The following DRC11 variants were observed in gnomAD, a reference collection of about 807,000 sequenced individuals.
DRC11 encodes the protein IQ and AAA domain-containing protein 1.
the DRC11 span, among the ~76,000 whole-genome samples, chr2:236,471,410 T>G: frequency 2.0e-5 from 3 of 152,216 alleles, no homozygotes; most frequent in Admixed American, 6.5e-5. The surrounding 1 kb of genome is among the most constrained non-coding windows in gnomAD (Gnocchi z 4.6). Context: ...TCACAAGAAG[T>G]GCATGACAAT....
At chr2:236,384,977 T>C in the DRC11 span, among the ~76,000 whole-genome samples, 3 of 151,232 alleles carry the variant, frequency 2.0e-5, no homozygotes, top group Non-Finnish European at 3.0e-5. Context: ...TTGTAGATAT[T>C]TGGCGTTATT....
At chr2:236,387,176 G>T in the DRC11 span, among the ~76,000 whole-genome samples, 9 of 149,338 alleles carry the variant, frequency 6.0e-5, no homozygotes, top group East Asian at 9.8e-4. Flanking sequence ...ATGTCTATTA[G>T]GTCCGCTTGG....
chr2:236,331,382 T>C, the DRC11 span: 1 of 1,613,656 alleles, frequency 6.2e-7, no homozygotes, highest in Non-Finnish European at 8.5e-7. The surrounding 1 kb of genome is among the most constrained non-coding windows in gnomAD (Gnocchi z 4.8). Flanking sequence ...TCTTCCTCTT[T>C]GTACACTGGA....
the DRC11 span, among the ~76,000 whole-genome samples, chr2:236,336,515 T>C: frequency 1.3e-5 from 2 of 151,692 alleles, no homozygotes; most frequent in Non-Finnish European, 2.9e-5. This position sits in a 1 kb window ranked among gnomAD's most constrained non-coding sequence, Gnocchi z 7.3. Flanking sequence ...CTGCTGCTCC[T>C]GCCACTGACC....
the DRC11 span, among the ~76,000 whole-genome samples, chr2:236,397,157 C>T: frequency 6.6e-6 from 1 of 152,222 alleles, no homozygotes; most frequent in African/African-American, 2.4e-5. The surrounding 1 kb of genome is among the most constrained non-coding windows in gnomAD (Gnocchi z 5.0). Flanking sequence ...GAAGCTCTTT[C>T]GGGTGGTTTC....
At chr2:236,484,165 TATAA>T in the DRC11 span, among the ~76,000 whole-genome samples, 1 of 152,240 alleles carries the variant, frequency 6.6e-6, no homozygotes, top group Admixed American at 6.5e-5. Flanking sequence ...TGTCTGCTTT[TATAA>T]ATAGACAGAA....
the DRC11 span, among the ~76,000 whole-genome samples, chr2:236,310,161 G>C: frequency 2.6e-5 from 4 of 152,120 alleles, no homozygotes; most frequent in Non-Finnish European, 5.9e-5. The surrounding 1 kb of genome is among the most constrained non-coding windows in gnomAD (Gnocchi z 5.5). Context: ...ATCCTTTGCT[G>C]TCTGGTTGCC....
At chr2:236,464,380 T>C in the DRC11 span, among the ~76,000 whole-genome samples, 2 of 152,196 alleles carry the variant, frequency 1.3e-5, no homozygotes, top group Non-Finnish European at 2.9e-5. Context: ...ATGGGCAAGC[T>C]TGCCTTCTAT....
At chr2:236,333,470 T>G in the DRC11 span, 1 of 153,446 alleles carries the variant, frequency 6.5e-6, no homozygotes, top group Admixed American at 6.5e-5. The surrounding 1 kb of genome is among the most constrained non-coding windows in gnomAD (Gnocchi z 6.0). Context: ...TTATAACATC[T>G]AAACAAAGTA....
At chr2:236,357,026 T>TTC in the DRC11 span, among the ~76,000 whole-genome samples, 6 of 109,994 alleles carry the variant, frequency 5.5e-5, no homozygotes, top group Non-Finnish European at 7.3e-5. Flanking sequence ...TATATATCTA[T>TTC]ATATTTATAT....
the DRC11 span, among the ~76,000 whole-genome samples, chr2:236,325,628 A>G: frequency 6.8e-6 from 1 of 148,094 alleles, no homozygotes; most frequent in Non-Finnish European, 1.5e-5. This position sits in a 1 kb window ranked among gnomAD's most constrained non-coding sequence, Gnocchi z 4.4. Context: ...TTTGAGACTG[A>G]GTCTCACTCT....
At chr2:236,497,133 C>G in the DRC11 span, 2 of 1,529,490 alleles carry the variant, frequency 1.3e-6, no homozygotes, top group Non-Finnish European at 1.8e-6. This position sits in a 1 kb window ranked among gnomAD's most constrained non-coding sequence, Gnocchi z 5.1. Flanking sequence ...CAAAAAAAAG[C>G]AACTAATAAG....
the DRC11 span, among the ~76,000 whole-genome samples, chr2:236,376,549 G>A: frequency 6.6e-6 from 1 of 152,126 alleles, no homozygotes; most frequent in African/African-American, 2.4e-5. This position sits in a 1 kb window ranked among gnomAD's most constrained non-coding sequence, Gnocchi z 5.7. Flanking sequence ...ACTGCATTAC[G>A]GTAGTACAGT....
the DRC11 span, among the ~76,000 whole-genome samples, chr2:236,424,251 A>C: frequency 3.9e-3 from 597 of 152,282 alleles, 5 homozygotes; most frequent in African/African-American, 0.014. Flanking sequence ...CGGATATATA[A>C]TTATGAGCAG....
At chr2:236,370,682 T>G in the DRC11 span, among the ~76,000 whole-genome samples, 1 of 152,118 alleles carries the variant, frequency 6.6e-6, no homozygotes, top group African/African-American at 2.4e-5. This position sits in a 1 kb window ranked among gnomAD's most constrained non-coding sequence, Gnocchi z 5.5. Flanking sequence ...TAAAGTGATA[T>G]AAAGAAAATA....
the DRC11 span, among the ~76,000 whole-genome samples, chr2:236,380,233 T>G: frequency 2.0e-5 from 3 of 152,334 alleles, no homozygotes; most frequent in South Asian, 6.2e-4. This position sits in a 1 kb window ranked among gnomAD's most constrained non-coding sequence, Gnocchi z 4.9. Context: ...TCGGGCAGAT[T>G]CCTGTCCTGT....
At chr2:236,499,928 T>G in the DRC11 span, among the ~76,000 whole-genome samples, 11 of 152,344 alleles carry the variant, frequency 7.2e-5, no homozygotes, top group East Asian at 2.1e-3. This position sits in a 1 kb window ranked among gnomAD's most constrained non-coding sequence, Gnocchi z 4.7. Context: ...AGGCATCCTC[T>G]GCCCCAGGCT....
chr2:236,345,557 G>T, the DRC11 span, among the ~76,000 whole-genome samples: 1 of 152,268 alleles, frequency 6.6e-6, no homozygotes, highest in Non-Finnish European at 1.5e-5. Context: ...CCCCCACGAG[G>T]CTATTTGTTC....
the DRC11 span, among the ~76,000 whole-genome samples, chr2:236,416,766 T>C: frequency 1.9e-5 from 2 of 104,408 alleles, no homozygotes; most frequent in South Asian, 7.0e-4. Flanking sequence ...TATATATATA[T>C]ATAAATAATT....
Sources: gnomAD v4.1 joint callset for allele counts (sites outside exome capture counted in the v4.1 genomes callset) on GRCh38, gnomAD v4.1.1 for gene constraint, Gnocchi (gnomAD v3.1) non-coding constraint, MANE v1.5 for transcripts, NCBI Gene and HGNC (gene_info 2026-07-23, HGNC 2026-07-21) for gene names.